ITSN1: variants seen among roughly 807,000 people sequenced by gnomAD.
ITSN1 encodes the protein intersectin 1, also known as intersectin-1.
A neutral mutation model predicts 239.8 loss-of-function variants in ITSN1; 58 were observed. The observed-to-expected ratio is 0.24, with a 90% CI of 0.20 to 0.30. The LOEUF is 0.30. Among genes scored for constraint, ITSN1 ranks in the 10% least tolerant of loss-of-function variants. ITSN1 has a pLI of 1.00. For synonymous variants in ITSN1, 780 were observed against 770.8 expected (o/e 1.01, Z -0.20); for missense variants, 1,558 against 2,103.3 (o/e 0.74, Z 5.07).
intron 37 of ITSN1, 89 bp downstream of exon 37, chr21:33,885,212 C>A (rs975093868): frequency 8.4e-7 from 1 of 1,191,360 alleles, no homozygotes; most frequent in Non-Finnish European, 1.2e-6. Context: ...ATAGAAGAAT[C>A]CCCTGGACCT....
intron 1 of ITSN1, among the ~76,000 whole-genome samples, chr21:33,703,322 AT>A (rs1364354715): frequency 6.6e-6 from 1 of 151,944 alleles, no homozygotes. Context: ...GATCATCAGT[AT>A]TTTTTCTTTT....
intron 1 of ITSN1, among the ~76,000 whole-genome samples, chr21:33,710,344 A>G (rs763394387): frequency 2.0e-5 from 3 of 152,056 alleles, no homozygotes; most frequent in Non-Finnish European, 4.4e-5. Context: ...TGCTGGGATT[A>G]CAGGCGTGAG....
At position 33,894,959 on chromosome 21, in the gene ITSN1, C is replaced by T. The variant is rs1440093420; in HGVS notation, c.*6659C>T. The stretch of plus-strand genomic sequence containing the variant: ...AAGGTGCCGGCTCCACCTACCGCAG[C>T]TGCTAGGCATTGCTCTTGTGTAGAT... On this transcript the variant is annotated 3_prime_UTR_variant, in exon 40 of 40. Coordinates refer to ENST00000381318, the MANE Select transcript of ITSN1 (RefSeq NM_003024.3). 6.6e-6 allele frequency: 1 copy of T among 152,226 alleles called. No individual in the cohort carries two copies. The highest frequency in any genetic ancestry group is 1.9e-4 in the East Asian group (1 of 5,192). The allele number at this position is 152,226 out of a possible 1,614,324, so 9.4% of individuals were successfully genotyped here.
At chr21:33,676,718 T>G (rs536543854) in intron 1 of ITSN1, among the ~76,000 whole-genome samples, 2 of 152,326 alleles carry the variant, frequency 1.3e-5, no homozygotes, top group African/African-American at 4.8e-5. Flanking sequence ...AGCCACTAAG[T>G]GTCACACTGT....
rs557417576 is a variant in ITSN1, at chr21:33,728,796, G to A, written c.185+6145G>A. ...GTTTGTTCTCTTGTTAGTTCTGCTT[G>A]CACTAAAATATAAGCTCTGTGGTGC... On this transcript the variant is annotated intron_variant, in intron 4 of 39. Transcript: ENST00000381318. Among the ~76,000 whole-genome samples, 5 of 152,220 alleles carry A rather than the reference G, an allele frequency of 3.3e-5. No individual in the cohort carries two copies. The South Asian group carries it at 8.3e-4, about 25-fold the overall frequency.
intron 1 of ITSN1, among the ~76,000 whole-genome samples, chr21:33,650,986 C>T (rs565109010): frequency 1.4e-3 from 215 of 151,790 alleles, no homozygotes; most frequent in African/African-American, 5.1e-3. Flanking sequence ...AACTTGGTAG[C>T]GGGGTTACCA....
At chr21:33,657,274 G>A (rs900502026) in intron 1 of ITSN1, among the ~76,000 whole-genome samples, 1 of 152,142 alleles carries the variant, frequency 6.6e-6, no homozygotes, top group African/African-American at 2.4e-5. Context: ...GCGGTATTTG[G>A]TTTTCTGCAG....
intron 1 of ITSN1, among the ~76,000 whole-genome samples, chr21:33,712,538 A>G (rs1410748391): frequency 6.6e-6 from 1 of 151,970 alleles, no homozygotes; most frequent in Non-Finnish European, 1.5e-5. Context: ...TCCCATTTCT[A>G]CCTTCTTTCC....
chr21:33,725,397 G>A (rs2147140913), intron 4 of ITSN1, among the ~76,000 whole-genome samples: 1 of 152,118 alleles, frequency 6.6e-6, no homozygotes, highest in South Asian at 2.1e-4. Context: ...ACCTCCCAAA[G>A]TGCTGGGATT....
chr21:33,794,237 C>G (rs1275413122), intron 16 of ITSN1, 104 bp from the exon 17 acceptor site: 5 of 834,122 alleles, frequency 6.0e-6, no homozygotes, highest in Non-Finnish European at 9.7e-6. Flanking sequence ...AACGTTATCT[C>G]CTAAGTGTCC....
chr21:33,836,120 A>C (rs539775014), intron 28 of ITSN1, among the ~76,000 whole-genome samples: 1 of 152,322 alleles, frequency 6.6e-6, no homozygotes, highest in South Asian at 2.1e-4. Flanking sequence ...TTCCAGAGTC[A>C]GCAGTAGGAA....
chr21:33,806,586 G>T (rs796715659), intron 20 of ITSN1, among the ~76,000 whole-genome samples: 1 of 152,216 alleles, frequency 6.6e-6, no homozygotes, highest in Non-Finnish European at 1.5e-5. Context: ...TTGCATCAGC[G>T]AGCTACAATA....
At chr21:33,728,313 A>G (rs906204504) in intron 4 of ITSN1, among the ~76,000 whole-genome samples, 5 of 151,576 alleles carry the variant, frequency 3.3e-5, no homozygotes, top group African/African-American at 9.7e-5. Context: ...GCTCACTGCA[A>G]CCTCTGCCTC....
At chr21:33,827,430 T>C (rs2074035433) in intron 26 of ITSN1, among the ~76,000 whole-genome samples, 1 of 151,850 alleles carries the variant, frequency 6.6e-6, no homozygotes, top group African/African-American at 2.4e-5. Context: ...ATAAAATAAA[T>C]ATATAGATAA....
chr21:33,799,362 T>G (rs2071802419), intron 18 of ITSN1, among the ~76,000 whole-genome samples: 1 of 152,202 alleles, frequency 6.6e-6, no homozygotes, highest in South Asian at 2.1e-4. Context: ...TGTTTCAGTA[T>G]GGAAACTGGT....
At chr21:33,870,122 G>T (rs1448217577) in intron 33 of ITSN1, among the ~76,000 whole-genome samples, 1 of 152,112 alleles carries the variant, frequency 6.6e-6, no homozygotes, top group Non-Finnish European at 1.5e-5. Context: ...CCTCAGTCCA[G>T]CCCCAGCTCA....
chr21:33,678,105 C>T (rs1281798316), intron 1 of ITSN1, among the ~76,000 whole-genome samples: 1 of 152,224 alleles, frequency 6.6e-6, no homozygotes, highest in Admixed American at 6.5e-5. Flanking sequence ...CCAGTTTCTT[C>T]CTTCTGCACT....
intron 1 of ITSN1, among the ~76,000 whole-genome samples, chr21:33,697,914 A>G (rs2091866740): frequency 6.6e-6 from 1 of 152,232 alleles, no homozygotes; most frequent in African/African-American, 2.4e-5. Context: ...ATGGATAATA[A>G]CTTTTCAGAT....
intron 1 of ITSN1, among the ~76,000 whole-genome samples, chr21:33,677,875 G>A (rs990979819): frequency 1.3e-5 from 2 of 152,044 alleles, no homozygotes; most frequent in African/African-American, 4.8e-5. Context: ...AAAACATTAG[G>A]CCACCACTGT....
Sources: gnomAD v4.1 joint callset for allele counts (sites outside exome capture counted in the v4.1 genomes callset) on GRCh38, gnomAD v4.1.1 for gene constraint, MANE v1.5 for transcripts, NCBI Gene and HGNC (gene_info 2026-07-23, HGNC 2026-07-21) for gene names.